Variants in ITGAE observed in about 807,000 individuals in gnomAD.
ITGAE encodes the protein integrin subunit alpha E, also known as integrin alpha-E.
A neutral mutation model predicts 136.5 loss-of-function variants in ITGAE; 99 were observed. The observed-to-expected ratio is 0.73, with a 90% CI of 0.62 to 0.86. The LOEUF (loss-of-function observed/expected upper bound fraction) is 0.86. Ranked by LOEUF, ITGAE falls within the 40% of genes least tolerant of loss-of-function variation. The pLI, the probability that ITGAE is intolerant of heterozygous loss-of-function variation, is 0.00. For missense variants in ITGAE, 1,447 were observed against 1,515.3 expected (o/e 0.95, Z 0.75); for synonymous variants, 613 against 591.8 (o/e 1.04, Z -0.52).
chr17:3,718,867 G>A (rs375207606), intron 29 of ITGAE, among the ~76,000 whole-genome samples: 55 of 152,294 alleles, frequency 3.6e-4, no homozygotes, highest in African/African-American at 1.3e-3. Flanking sequence ...AATCTGGGCA[G>A]TGCAATAATG....
chr17:3,796,400 G>A (rs913885033), intron 1 of ITGAE, among the ~76,000 whole-genome samples: 3 of 152,146 alleles, frequency 2.0e-5, no homozygotes, highest in African/African-American at 7.2e-5. Context: ...AGATGGTCTT[G>A]AGTTCAAATC....
At chr17:3,753,561 TAACAG>T in intron 13 of ITGAE, 131 bp from the exon 14 acceptor site, 2 of 1,239,960 alleles carry the variant, frequency 1.6e-6, no homozygotes, top group South Asian at 2.9e-5. Context: ...TCACTGAGAG[TAACAG>T]AAGAGTGGAG....
At chr17:3,728,551 T>G (rs1266825711) in intron 24 of ITGAE, 4 of 180,112 alleles carry the variant, frequency 2.2e-5, no homozygotes, top group African/African-American at 9.6e-5. Context: ...TTTCATATTT[T>G]CAGTAGAGAC....
At chr17:3,768,545 G>A (rs1411022733) in intron 2 of ITGAE, among the ~76,000 whole-genome samples, 1 of 152,054 alleles carries the variant, frequency 6.6e-6, no homozygotes, top group African/African-American at 2.4e-5. Context: ...CCTCCACGGC[G>A]CTGTTCCCTC....
chr17:3,715,449 T>C (rs1201602793), intron 30 of ITGAE, among the ~76,000 whole-genome samples: 1 of 152,154 alleles, frequency 6.6e-6, no homozygotes, highest in East Asian at 1.9e-4. Flanking sequence ...TCTAGACCGC[T>C]TTCAGGGAAG....
rs1032233715 is a variant in ITGAE at position 3,762,082 on chromosome 17, C to T, written c.248-100G>A. The stretch of plus-strand genomic sequence containing the variant: ...CACAGAGCCACCTTGGTCAGGCCCC[C>T]ATGAGGAACTGTTGGCCACTCAGAG... On this transcript the variant is annotated intron_variant, in intron 3 of 30. Coordinates refer to ENST00000263087, the MANE Select transcript of ITGAE (RefSeq NM_002208.5). 17 of 936,500 alleles carry T rather than the reference C, an allele frequency of 1.8e-5. No homozygotes were observed. In the African/African-American group the frequency reaches 2.0e-4, roughly 11 times the overall value. 58.0% of individuals were successfully genotyped at this position (936,500 alleles called of 1,614,324 possible). A position where few individuals can be genotyped will look rare whatever the true frequency, so the allele number is the denominator to read the frequency against.
intron 18 of ITGAE, among the ~76,000 whole-genome samples, chr17:3,744,131 C>T (rs541700406): frequency 1.3e-5 from 2 of 152,154 alleles, no homozygotes; most frequent in Non-Finnish European, 2.9e-5. Context: ...CCACCTTGGC[C>T]TCCCAAAGTG....
At chr17:3,723,194 TG>T in intron 28 of ITGAE, 93 bp downstream of exon 28, 1 of 894,976 alleles carries the variant, frequency 1.1e-6, no homozygotes, top group Non-Finnish European at 1.9e-6. Flanking sequence ...ATTTTGGACA[TG>T]GACATGTTAT....
intron 1 of ITGAE, among the ~76,000 whole-genome samples, chr17:3,787,266 C>T (rs2052822875): frequency 6.6e-6 from 1 of 152,010 alleles, no homozygotes; most frequent in Admixed American, 6.6e-5. Context: ...CATGTGCCAC[C>T]ACACCCGCCT....
At chr17:3,732,267 C>T (rs751860954) in intron 22 of ITGAE, 101 bp downstream of exon 22, 12 of 909,028 alleles carry the variant, frequency 1.3e-5, no homozygotes, top group Admixed American at 5.3e-5. Context: ...TGCAGTCAAG[C>T]GAAGCGCAAA....
chr17:3,742,640 T>A (rs2051614969), intron 19 of ITGAE, among the ~76,000 whole-genome samples: 1 of 151,918 alleles, frequency 6.6e-6, no homozygotes, highest in South Asian at 2.1e-4. Context: ...TTTTTTAAAA[T>A]TTATTTTATT....
intron 28 of ITGAE, among the ~76,000 whole-genome samples, chr17:3,722,086 G>A (rs2051063517): frequency 6.6e-6 from 1 of 152,170 alleles, no homozygotes; most frequent in South Asian, 2.1e-4. Context: ...GGCTGAGGCA[G>A]GAGAATCGCT....
At chr17:3,744,621 T>A (rs963781590) in intron 18 of ITGAE, among the ~76,000 whole-genome samples, 2 of 151,132 alleles carry the variant, frequency 1.3e-5, no homozygotes, top group Non-Finnish European at 3.0e-5. Flanking sequence ...ATTTTTGTAT[T>A]TTTTTTTAGT....
At chr17:3,759,380 T>C (rs774968004) in intron 8 of ITGAE, 22 bp downstream of exon 8, 1 of 1,607,540 alleles carries the variant, frequency 6.2e-7, no homozygotes, top group Non-Finnish European at 8.5e-7. Flanking sequence ...GCCAGAATAA[T>C]TCCTGCAGCC....
chr17:3,754,731 G>A, intron 12 of ITGAE: 1 of 280,458 alleles, frequency 3.6e-6, no homozygotes, highest in Non-Finnish European at 7.0e-6. Context: ...AACCTCAAGT[G>A]CAGCCTAATG....
At chr17:3,733,390 G>A (rs1368353921) in intron 21 of ITGAE, among the ~76,000 whole-genome samples, 1 of 152,160 alleles carries the variant, frequency 6.6e-6, no homozygotes, top group Non-Finnish European at 1.5e-5. Context: ...TTGACTCACT[G>A]CAATGAGGAA....
At chr17:3,718,803 T>G (rs969204002) in intron 29 of ITGAE, among the ~76,000 whole-genome samples, 1 of 152,248 alleles carries the variant, frequency 6.6e-6, no homozygotes, top group Admixed American at 6.5e-5. Flanking sequence ...ATTTTTCATT[T>G]GGTACCATTC....
intron 3 of ITGAE, 115 bp downstream of exon 3, chr17:3,763,731 TGTGGGTTATGCTGGAGTCTAGGG>T: frequency 1.4e-6 from 1 of 710,858 alleles, no homozygotes; most frequent in Admixed American, 2.1e-5. Context: ...GGAATCTTGC[TGTGGGTTATGCTGGAGTCTAGGG>T]GTGAACGGGC....
chr17:3,741,028 T>G (rs542098657), intron 19 of ITGAE, among the ~76,000 whole-genome samples: 1 of 151,718 alleles, frequency 6.6e-6, no homozygotes, highest in East Asian at 1.9e-4. Context: ...CGTGGCGCTC[T>G]CTCTAAGTGG....
Sources: allele counts gnomAD v4.1 joint callset (sites outside exome capture counted in the v4.1 genomes callset), GRCh38; gene constraint gnomAD v4.1.1; transcripts MANE v1.5; gene names NCBI Gene and HGNC (gene_info 2026-07-23, HGNC 2026-07-21).